The following RNASEH2B variants were observed in gnomAD, a reference collection of about 807,000 sequenced individuals.
RNASEH2B encodes ribonuclease H2 subunit B.
RNASEH2B carries 36 observed loss-of-function variants against 45.0 expected under a neutral mutation model. That is an observed-to-expected ratio of 0.80 (90% CI 0.61 to 1.06). The LOEUF is 1.06. Ranked by LOEUF, RNASEH2B falls within the 50% of genes least tolerant of loss-of-function variation. The probability of loss-of-function intolerance (pLI) is 0.00; values close to 1 mark genes in which losing one functional copy is unlikely to be tolerated. For missense variants in RNASEH2B, 361 were observed against 360.3 expected (o/e 1.00, Z -0.02); for synonymous variants, 119 against 125.7 (o/e 0.95, Z 0.35).
chr13:50,927,191 C>A, intron 1 of RNASEH2B: 1 of 457,310 alleles, frequency 2.2e-6, no homozygotes, highest in Non-Finnish European at 4.0e-6. Flanking sequence ...TGCTTCTCAT[C>A]ATTCCTCATA....
In RNASEH2B at chr13:50,939,452, C is replaced by T. The variant is rs370089331; in HGVS notation, c.437-3869C>T. Among the ~76,000 whole-genome samples, 6 of 151,920 alleles carry T rather than the reference C, an allele frequency of 3.9e-5. No individual in the cohort carries two copies. In the East Asian group the frequency reaches 9.7e-4, roughly 24 times the overall value. ...GAAAGATCACTTGAGCCCAGGAGGTCGGGGTTACAGTGAACTGTGATCACA... is the reference window on the plus strand; with the variant it reads ...GAAAGATCACTTGAGCCCAGGAGGTTGGGGTTACAGTGAACTGTGATCACA... On this transcript the variant is annotated intron_variant, in intron 5 of 10. Transcript: ENST00000336617.
At chr13:50,969,630 G>T (rs1344007350) in intron 9 of RNASEH2B, among the ~76,000 whole-genome samples, 3 of 151,322 alleles carry the variant, frequency 2.0e-5, no homozygotes, top group Non-Finnish European at 4.4e-5. Context: ...TGCCCATCCT[G>T]TAAGTTTGGG....
chr13:50,935,042 A>C, intron 5 of RNASEH2B, 43 bp downstream of exon 5: 1 of 1,296,166 alleles, frequency 7.7e-7, no homozygotes, highest in Non-Finnish European at 1.1e-6. Context: ...GAAAGGATGG[A>C]CCTTGCCTAA....
At chr13:50,916,754 A>G (rs1466870824) in intron 1 of RNASEH2B, among the ~76,000 whole-genome samples, 1 of 152,198 alleles carries the variant, frequency 6.6e-6, no homozygotes, top group Non-Finnish European at 1.5e-5. Context: ...CTGCCTTAGT[A>G]TGGAAATTGC....
intron 4 of RNASEH2B, chr13:50,934,619 G>T: frequency 2.1e-6 from 1 of 474,072 alleles, no homozygotes; most frequent in Non-Finnish European, 3.9e-6. Flanking sequence ...TGCTTTTGTA[G>T]ATTGATTTTC....
chr13:50,957,345 G>A (rs1252602066), downstream of RNASEH2B, among the ~76,000 whole-genome samples: 2 of 152,086 alleles, frequency 1.3e-5, no homozygotes, highest in Non-Finnish European at 2.9e-5. Flanking sequence ...GAGAACATGT[G>A]GTATTTGGTT....
intron 1 of RNASEH2B, among the ~76,000 whole-genome samples, chr13:50,920,115 C>G (rs1027207931): frequency 6.6e-6 from 1 of 152,160 alleles, no homozygotes; most frequent in Non-Finnish European, 1.5e-5. Flanking sequence ...CTCACTCTAA[C>G]TGCCTCCTGG....
At chr13:50,947,465 C>CTA (rs1258103758) in intron 7 of RNASEH2B, among the ~76,000 whole-genome samples, 7 of 148,150 alleles carry the variant, frequency 4.7e-5, no homozygotes, top group South Asian at 2.2e-4. Flanking sequence ...ATGTATAGAA[C>CTA]TATATATATA....
At chr13:50,935,022 A>G (rs760082711) in intron 5 of RNASEH2B, 23 bp downstream of exon 5, 3 of 1,481,368 alleles carry the variant, frequency 2.0e-6, no homozygotes, top group East Asian at 2.3e-5. Context: ...TTAAAGGCTT[A>G]TGGCTGGTAG....
Position 50,929,462 on chromosome 13 carries a change from T to C in RNASEH2B, c.137-13T>C. On this transcript the variant is annotated splice_polypyrimidine_tract_variant and intron_variant, in intron 2 of 10. Transcript: ENST00000336617. ...TGAAAACTTACAAATAAAAGACAGA[T>C]TTGTCTTAACAGGAGAAGGAGCCAT... The C allele has an allele frequency of 6.4e-7, 1 of 1,561,884 alleles. No individual in the cohort carries two copies. The highest frequency in any genetic ancestry group is 8.8e-7 in the Non-Finnish European group (1 of 1,132,826).
chr13:50,954,023 T>C (rs747575443), intron 10 of RNASEH2B, 38 bp downstream of exon 10: 1 of 1,247,360 alleles, frequency 8.0e-7, no homozygotes, highest in Non-Finnish European at 1.2e-6. Context: ...TCGTTCATAC[T>C]CAGTGCGTGA....
Position 50,946,021 on chromosome 13 carries a change from C to T in RNASEH2B, c.616+489C>T, listed in dbSNP as rs551041272. On this transcript the variant is annotated intron_variant, in intron 7 of 10. Transcript: ENST00000336617. ...GTTCCTGTGGCACAGTTGTACTGTT[C>T]CAGTGGCTGCATCTGTTTGCATTTT... is the stretch of plus-strand genomic sequence containing the variant. 1.5e-4 allele frequency among the ~76,000 whole-genome samples: 23 copies of T among 152,220 alleles called. No individual in the cohort carries two copies. In the South Asian group the frequency reaches 4.8e-3, roughly 32 times the overall value.
chr13:50,921,722 C>T (rs571984512), intron 1 of RNASEH2B, among the ~76,000 whole-genome samples: 1 of 152,232 alleles, frequency 6.6e-6, no homozygotes, highest in Admixed American at 6.5e-5. Flanking sequence ...CCCATAAAAG[C>T]AATGAAAACA....
intron 1 of RNASEH2B, among the ~76,000 whole-genome samples, chr13:50,922,144 C>G (rs990345755): frequency 6.6e-6 from 1 of 152,166 alleles, no homozygotes; most frequent in Non-Finnish European, 1.5e-5. Context: ...GCCCTATCTT[C>G]AGGGTATTTG....
chr13:50,910,121 G>C lies in RNASEH2B; in HGVS notation c.45G>C (p.Gln15His). ...GCGGGGACGGGGTTGGCGCCCGGCA[G>C]CACGTGTTCCTGGTTTCAGGTAAAC... ...VDCGDGVGAR[Q>H]HVFLVSEYLK... Residue 15 changes from glutamine (Q) to histidine (H), a missense_variant, in exon 1 of 11, where the codon CAG becomes CAC. By Grantham distance (24) the Gln-to-His change is conservative. Transcript: ENST00000336617. 1 of 1,459,422 alleles carries C rather than the reference G, an allele frequency of 6.9e-7. No individual in the cohort carries two copies. The allele number at this position is 1,459,422 out of a possible 1,614,324, so 90.4% of individuals were successfully genotyped here.
intron 7 of RNASEH2B, among the ~76,000 whole-genome samples, chr13:50,947,634 T>C (rs1390219512): frequency 6.6e-6 from 1 of 152,142 alleles, no homozygotes; most frequent in East Asian, 1.9e-4. Flanking sequence ...GACTATTTCA[T>C]ATTGTTGTAG....
intron 1 of RNASEH2B, among the ~76,000 whole-genome samples, chr13:50,924,587 C>G (rs1300588666): frequency 6.6e-6 from 1 of 152,150 alleles, no homozygotes; most frequent in Non-Finnish European, 1.5e-5. Context: ...GAGAAAGAGT[C>G]TCAGTCTGTC....
chr13:50,920,128 T>A (rs1276055729), intron 1 of RNASEH2B, among the ~76,000 whole-genome samples: 1 of 152,130 alleles, frequency 6.6e-6, no homozygotes, highest in Non-Finnish European at 1.5e-5. Flanking sequence ...CCTCCTGGGT[T>A]CAAGTGATTC....
chr13:50,929,458 C>T lies in RNASEH2B; in HGVS notation c.137-17C>T, dbSNP rs1951647952. On this transcript the variant is annotated splice_polypyrimidine_tract_variant and intron_variant, in intron 2 of 10. Coordinates refer to ENST00000336617, the MANE Select transcript of RNASEH2B (RefSeq NM_024570.4). ...TGTGTGAAAACTTACAAATAAAAGA[C>T]AGATTTGTCTTAACAGGAGAAGGAG... 1 of 1,532,008 alleles carries T rather than the reference C, an allele frequency of 6.5e-7. No homozygotes were observed. Among genetic ancestry groups the T allele is most frequent in the African/African-American group, 1.4e-5 (1 of 73,052 alleles). The allele number at this position is 1,532,008 out of a possible 1,614,324, so 94.9% of individuals were successfully genotyped here.
Sources: gnomAD v4.1 joint callset for allele counts (sites outside exome capture counted in the v4.1 genomes callset) on GRCh38, gnomAD v4.1.1 for gene constraint, MANE v1.5 for transcripts, NCBI Gene and HGNC (gene_info 2026-07-23, HGNC 2026-07-21) for gene names.